DIAPH2: variants seen among roughly 807,000 people sequenced by gnomAD.
DIAPH2 encodes diaphanous related formin 2, also known as protein diaphanous homolog 2.
Under a neutral mutation model 92.7 loss-of-function variants are expected in DIAPH2, and 35 were observed. That is an observed-to-expected ratio of 0.38 (90% CI 0.29 to 0.50). DIAPH2 has a LOEUF of 0.50. Among genes scored for constraint, DIAPH2 ranks in the 20% least tolerant of loss-of-function variants. The probability of loss-of-function intolerance (pLI) is 0.94; values close to 1 mark genes in which losing one functional copy is unlikely to be tolerated. For missense variants in DIAPH2, 701 were observed against 819.5 expected (o/e 0.86, Z 1.77); for synonymous variants, 301 against 280.4 (o/e 1.07, Z -0.73).
intron 17 of DIAPH2, among the ~76,000 whole-genome samples, chrX:96,983,040 C>T (rs1440881881): frequency 9.2e-6 from 1 of 109,044 alleles, no homozygotes; most frequent in Non-Finnish European, 1.9e-5. Context: ...GGGGGGAGTG[C>T]GGGTTCACTT....
chrX:97,334,869 T>C (rs1200962914), intron 23 of DIAPH2, among the ~76,000 whole-genome samples: 1 of 106,787 alleles, frequency 9.4e-6, no homozygotes, highest in Non-Finnish European at 1.9e-5. Context: ...TAATCCCAGC[T>C]CTTCAGGAGA....
chrX:96,725,203 A>T (rs1014927391), intron 1 of DIAPH2, among the ~76,000 whole-genome samples: 3 of 112,134 alleles, frequency 2.7e-5, no homozygotes, highest in East Asian at 5.6e-4. Flanking sequence ...ATATTTTCCT[A>T]CAATGTGTTA....
chrX:97,161,732 T>C (rs1290706524), intron 22 of DIAPH2, among the ~76,000 whole-genome samples: 2 of 112,109 alleles, frequency 1.8e-5, no homozygotes, highest in South Asian at 3.8e-4. Context: ...AGCACTGATA[T>C]CAAAATATCT....
At chrX:97,471,866 A>G (rs1200181107) in intron 26 of DIAPH2, among the ~76,000 whole-genome samples, 2 of 110,769 alleles carry the variant, frequency 1.8e-5, no homozygotes, top group Non-Finnish European at 3.8e-5. Flanking sequence ...TTACAGGGGA[A>G]GAAATGGAAG....
intron 1 of DIAPH2, among the ~76,000 whole-genome samples, chrX:96,699,131 C>G (rs184402267): frequency 8.9e-6 from 1 of 111,854 alleles, no homozygotes; most frequent in African/African-American, 3.2e-5. Flanking sequence ...ATCTTAAGCT[C>G]TCATAATGAT....
At chrX:96,886,738 G>C (rs1380606400) in intron 5 of DIAPH2, among the ~76,000 whole-genome samples, 4 of 110,843 alleles carry the variant, frequency 3.6e-5, no homozygotes, top group Non-Finnish European at 5.7e-5. Flanking sequence ...ACTTGGAATT[G>C]TGGAGCTGAA....
chrX:96,957,989 A>C lies in DIAPH2; in HGVS notation c.1776A>C (p.Pro592=), dbSNP rs773914991. 20 of 1,205,828 alleles carry C rather than the reference A, an allele frequency of 1.7e-5. No homozygotes were observed. Among genetic ancestry groups the C allele is most frequent in the Middle Eastern group, 2.3e-4 (1 of 4,345 alleles). Residue 592 remains proline, a synonymous_variant, in exon 16 of 27, where the codon CCA becomes CCC. Coordinates refer to ENST00000324765, the MANE Select transcript of DIAPH2 (RefSeq NM_006729.5). ...TACCTGGAATGATGGGGATACCACC[A>C]CCACCCCCACCACCACTTTTATTTG... ...PPLPGMMGIP[P]PPPPPLLFGG...
At chrX:97,094,555 G>A (rs1348600272) in intron 19 of DIAPH2, among the ~76,000 whole-genome samples, 4 of 112,195 alleles carry the variant, frequency 3.6e-5, no homozygotes, top group Non-Finnish European at 3.8e-5. Context: ...GTGGTAATCA[G>A]CATTTTAACA....
chrX:97,378,889 C>T (rs945954771), intron 24 of DIAPH2, among the ~76,000 whole-genome samples: 9 of 111,836 alleles, frequency 8.0e-5, no homozygotes, highest in African/African-American at 2.3e-4. Context: ...CCCTGATCAA[C>T]GAAGAAATAC....
intron 21 of DIAPH2, among the ~76,000 whole-genome samples, chrX:97,125,812 G>T (rs1324409839): frequency 8.9e-6 from 1 of 112,173 alleles, no homozygotes; most frequent in Admixed American, 9.4e-5. Context: ...AACAATAATA[G>T]ATACAGTTAA....
In DIAPH2 at chrX:96,735,749, T is replaced by G; in HGVS notation, c.133-9T>G. 1 of 1,067,252 alleles carries G rather than the reference T, an allele frequency of 9.4e-7. No individual in the cohort carries two copies. Among genetic ancestry groups the G allele is most frequent in the Non-Finnish European group, 1.3e-6 (1 of 785,272 alleles). The allele number at this position is 1,067,252 out of a possible 1,213,427, so 88.0% of individuals were successfully genotyped here. A position where few individuals can be genotyped will look rare whatever the true frequency, so the allele number is the denominator to read the frequency against. On this transcript the variant is annotated splice_polypyrimidine_tract_variant and intron_variant, in intron 1 of 26. Transcript: ENST00000324765. The stretch of plus-strand genomic sequence containing the variant: ...GTTTTTTTTGTTTGTTTCTTTTTGG[T>G]TTTAATAGAACATTCAAATAAAAAC...
chrX:97,180,258 T>C (rs1003965778), intron 22 of DIAPH2, among the ~76,000 whole-genome samples: 3 of 112,385 alleles, frequency 2.7e-5, no homozygotes, highest in Non-Finnish European at 5.6e-5. Context: ...TTATCAGTGG[T>C]GTTGAGCTTT....
chrX:97,319,891 G>A (rs188397159), intron 23 of DIAPH2, among the ~76,000 whole-genome samples: 1,418 of 107,418 alleles, frequency 0.013, 20 homozygotes, highest in African/African-American at 0.045. Flanking sequence ...CCTGAGGTCA[G>A]GGGTTTGAGA....
chrX:97,125,299 C>T (rs2067085009), intron 21 of DIAPH2, among the ~76,000 whole-genome samples: 1 of 108,011 alleles, frequency 9.3e-6, no homozygotes, highest in East Asian at 2.9e-4. Flanking sequence ...ATGGTGAAAT[C>T]CCGTCTTTAC....
At chrX:96,896,276 A>G (rs181647531) in intron 5 of DIAPH2, among the ~76,000 whole-genome samples, 34 of 112,001 alleles carry the variant, frequency 3.0e-4, no homozygotes, top group Admixed American at 2.8e-3. Context: ...CATTGGTGAT[A>G]TTTTTAATAT....
chrX:97,241,312 T>C (rs1306230466), intron 22 of DIAPH2, among the ~76,000 whole-genome samples: 3 of 110,819 alleles, frequency 2.7e-5, no homozygotes, highest in Non-Finnish European at 3.8e-5. Context: ...TTTTTTTTTT[T>C]TCCCGAGACG....
intron 9 of DIAPH2, among the ~76,000 whole-genome samples, chrX:96,928,971 A>T (rs1259592722): frequency 1.8e-5 from 2 of 111,435 alleles, no homozygotes; most frequent in Admixed American, 1.9e-4. Context: ...CAATTGCAGG[A>T]CTCATTAACT....
At chrX:97,122,466 T>G (rs948817206) in intron 21 of DIAPH2, among the ~76,000 whole-genome samples, 1 of 111,712 alleles carries the variant, frequency 9.0e-6, no homozygotes, top group African/African-American at 3.3e-5. Flanking sequence ...AGAGAGATGA[T>G]CTTTACCCAA....
chrX:97,492,540 G>A (rs2070731938), intron 26 of DIAPH2, among the ~76,000 whole-genome samples: 1 of 111,385 alleles, frequency 9.0e-6, no homozygotes. Context: ...TACTGTTTTA[G>A]CATCTGTTCA....
Sources: gnomAD v4.1 joint callset for allele counts (sites outside exome capture counted in the v4.1 genomes callset) on GRCh38, gnomAD v4.1.1 for gene constraint, MANE v1.5 for transcripts, NCBI Gene and HGNC (gene_info 2026-07-23, HGNC 2026-07-21) for gene names.